ADAMTSL1: variants seen among roughly 807,000 people sequenced by gnomAD.
ADAMTSL1 encodes ADAMTS like 1.
A neutral mutation model predicts 201.8 loss-of-function variants in ADAMTSL1; 126 were observed. The ratio of observed to expected loss-of-function variants is 0.62; its 90% confidence interval spans 0.54 to 0.72. ADAMTSL1 has a LOEUF of 0.72. Among genes scored for constraint, ADAMTSL1 ranks in the 30% least tolerant of loss-of-function variants. ADAMTSL1 has a pLI of 0.00. For missense variants in ADAMTSL1, 2,679 were observed against 2,277.8 expected, an observed-to-expected ratio of 1.18 and a Z score of -3.59; for synonymous variants, 1,121 against 903.4, an observed-to-expected ratio of 1.24 and a Z score of -4.32.
chr9:18,650,112 A>G (rs1393384354), intron 7 of ADAMTSL1, among the ~76,000 whole-genome samples: 1 of 152,172 alleles, frequency 6.6e-6, no homozygotes, highest in African/African-American at 2.4e-5. Context: ...CCCATCCCCA[A>G]GCCTCGCTGC....
chr9:18,775,975 C>T, intron 18 of ADAMTSL1, 79 bp downstream of exon 18: 1 of 1,519,178 alleles, frequency 6.6e-7, no homozygotes. Flanking sequence ...GTGGCCTTCC[C>T]TAAACTCAAG....
At chr9:18,622,124 G>C in intron 4 of ADAMTSL1, 119 bp from the exon 5 acceptor site, 1 of 1,295,872 alleles carries the variant, frequency 7.7e-7, no homozygotes, top group Non-Finnish European at 1.1e-6. Context: ...TCCCCTTCAC[G>C]GGGTATGTTT....
chr9:18,172,038 A>G (rs1272929704), intron 2 of ADAMTSL1, among the ~76,000 whole-genome samples: 1 of 151,698 alleles, frequency 6.6e-6, no homozygotes, highest in African/African-American at 2.4e-5. Context: ...ACAGAAAACC[A>G]AAGACAGCAT....
rs866006235 is a variant in ADAMTSL1 at position 17,965,957 on chromosome 9, C to T, written c.87+59035C>T. On this transcript the variant is annotated intron_variant, in intron 1 of 29. Transcript: ENST00000680146. ...CCTGTTCCAATCACTTGGGTCTTCTCTACTTTGTTCTTCTCCTGCCAAATT... is the reference window on the plus strand; with the variant it reads ...CCTGTTCCAATCACTTGGGTCTTCTTTACTTTGTTCTTCTCCTGCCAAATT... Among the ~76,000 whole-genome samples, 154 of 152,292 alleles carry T rather than the reference C, an allele frequency of 1.0e-3. 2 individuals are homozygous for T. Among genetic ancestry groups the T allele is most frequent in the African/African-American group, 3.4e-3 (143 of 41,576 alleles).
intron 1 of ADAMTSL1, among the ~76,000 whole-genome samples, chr9:17,938,931 A>T (rs1335027477): frequency 6.6e-6 from 1 of 152,156 alleles, no homozygotes; most frequent in African/African-American, 2.4e-5. Context: ...TGTTTTGACA[A>T]GTCATTAAGC....
chr9:18,213,520 G>A (rs112431589), intron 2 of ADAMTSL1, among the ~76,000 whole-genome samples: 2 of 152,258 alleles, frequency 1.3e-5, no homozygotes, highest in South Asian at 2.1e-4. Flanking sequence ...CTGGGACTAG[G>A]TATTAGTGAG....
intron 2 of ADAMTSL1, among the ~76,000 whole-genome samples, chr9:18,288,151 C>T (rs968649997): frequency 6.6e-6 from 1 of 151,986 alleles, no homozygotes; most frequent in Non-Finnish European, 1.5e-5. Context: ...GGAATGAAAC[C>T]TTATATCACA....
chr9:18,353,856 AAAAGT>A (rs1836086670), intron 2 of ADAMTSL1, among the ~76,000 whole-genome samples: 1 of 152,140 alleles, frequency 6.6e-6, no homozygotes, highest in South Asian at 2.1e-4. Flanking sequence ...TTCTGATTAC[AAAAGT>A]AATACATACA....
chr9:18,035,256 A>T (rs1821143815), intron 1 of ADAMTSL1, among the ~76,000 whole-genome samples: 1 of 152,168 alleles, frequency 6.6e-6, no homozygotes, highest in Admixed American at 6.5e-5. Context: ...CAAATAGAGG[A>T]ATGCCTGTTA....
At chr9:18,870,588 TAAC>T (rs1827824063) in intron 23 of ADAMTSL1, among the ~76,000 whole-genome samples, 1 of 152,130 alleles carries the variant, frequency 6.6e-6, no homozygotes, top group Non-Finnish European at 1.5e-5. Flanking sequence ...CATGCTGTCT[TAAC>T]AGCCCCCAGA....
intron 15 of ADAMTSL1, among the ~76,000 whole-genome samples, chr9:18,737,862 C>T (rs1818606740): frequency 6.6e-6 from 1 of 152,176 alleles, no homozygotes; most frequent in Admixed American, 6.5e-5. Flanking sequence ...ACCAAGAGCT[C>T]CTTTAGTGAT....
chr9:18,222,668 C>G (rs1282240046), intron 2 of ADAMTSL1, among the ~76,000 whole-genome samples: 1 of 130,270 alleles, frequency 7.7e-6, no homozygotes, highest in Admixed American at 7.4e-5. Context: ...TTTTGCCATT[C>G]CTTTTTTCTT....
At position 18,621,556 on chromosome 9, in the gene ADAMTSL1, CCACACACA is replaced by C. The variant is rs57351480; in HGVS notation, c.475-650_475-643del. ...CTGCCCTTCATGCAACCGTCCTCTTCCACACACACACACACACACACACACACACACAC... is the reference window on the plus strand; with the variant it reads ...CTGCCCTTCATGCAACCGTCCTCTTCCACACACACACACACACACACACAC... On this transcript the variant is annotated intron_variant, in intron 4 of 28. Coordinates refer to ENST00000380548, the MANE Select transcript of ADAMTSL1 (RefSeq NM_001040272.6). Among the ~76,000 whole-genome samples the C allele has an allele frequency of 7.4e-3, 1,062 of 143,716 alleles. 9 individuals are homozygous for C. Among genetic ancestry groups the C allele is most frequent in the African/African-American group, 0.026 (1,001 of 38,238 alleles). The allele number at this position is 143,716 out of a possible 152,430, so 94.3% of individuals were successfully genotyped here. A position where few individuals can be genotyped will look rare whatever the true frequency, so the allele number is the denominator to read the frequency against.
At chr9:18,711,122 T>TA (rs1327700648) in intron 14 of ADAMTSL1, among the ~76,000 whole-genome samples, 4 of 152,234 alleles carry the variant, frequency 2.6e-5, no homozygotes, top group Middle Eastern at 3.2e-3. Context: ...GTTACATCAT[T>TA]AAAAAATTGT....
intron 1 of ADAMTSL1, among the ~76,000 whole-genome samples, chr9:18,071,881 C>G (rs544676173): frequency 6.6e-6 from 1 of 152,164 alleles, no homozygotes; most frequent in East Asian, 1.9e-4. Context: ...ATTCATCAGC[C>G]GCACTTCCTG....
In ADAMTSL1 at chr9:18,163,255, G is replaced by A. The variant is rs139630532; in HGVS notation, c.88-607G>A. Among the ~76,000 whole-genome samples the A allele has an allele frequency of 4.1e-4, 63 of 152,054 alleles. No individual in the cohort carries two copies. In the East Asian group the frequency reaches 0.012, roughly 29 times the overall value. Reference sequence around the variant, plus strand: ...TTTAGTTCCTAATTTGTAAAATGTGGCTGATAACAGACACCTCTTGGGGTT... The same window carrying A: ...TTTAGTTCCTAATTTGTAAAATGTGACTGATAACAGACACCTCTTGGGGTT... On this transcript the variant is annotated intron_variant, in intron 1 of 29. Coordinates refer to the ADAMTSL1 transcript ENST00000680146.
intron 2 of ADAMTSL1, among the ~76,000 whole-genome samples, chr9:18,376,574 G>T (rs1216824954): frequency 1.3e-5 from 2 of 152,212 alleles, no homozygotes; most frequent in African/African-American, 2.4e-5. Context: ...GGAGGCCGAG[G>T]TGGGTGGATC....
At chr9:18,473,496 A>C (rs1048279281), upstream of ADAMTSL1, among the ~76,000 whole-genome samples, 1 of 152,208 alleles carries the variant, frequency 6.6e-6, no homozygotes, top group Non-Finnish European at 1.5e-5. Context: ...CCCCAAATTA[A>C]GTCCTTAATA....
At chr9:18,398,489 C>T (rs909043614) in intron 2 of ADAMTSL1, among the ~76,000 whole-genome samples, 1 of 152,100 alleles carries the variant, frequency 6.6e-6, no homozygotes, top group Non-Finnish European at 1.5e-5. Flanking sequence ...ACTCTGTTCC[C>T]TTTCTTAAAA....
Sources: allele counts gnomAD v4.1 joint callset (sites outside exome capture counted in the v4.1 genomes callset), GRCh38; gene constraint gnomAD v4.1.1; transcripts MANE v1.5; gene names NCBI Gene and HGNC (gene_info 2026-07-23, HGNC 2026-07-21).